The following CCDC80 variants were observed in gnomAD, a reference collection of about 807,000 sequenced individuals.
CCDC80 encodes coiled-coil domain-containing protein 80.
CCDC80 carries 49 observed loss-of-function variants against 78.7 expected under a neutral mutation model. The observed-to-expected ratio is 0.62, with a 90% CI of 0.50 to 0.79. CCDC80 has a LOEUF of 0.79. Among genes scored for constraint, CCDC80 ranks in the 30% least tolerant of loss-of-function variants. The probability of loss-of-function intolerance (pLI) is 0.00; values close to 1 mark genes in which losing one functional copy is unlikely to be tolerated. For missense variants in CCDC80, 1,205 were observed against 1,198.6 expected, an observed-to-expected ratio of 1.01 and a Z score of -0.08; for synonymous variants, 488 against 447.0, an observed-to-expected ratio of 1.09 and a Z score of -1.16.
chr3:112,614,012 G>A (rs893513451), intron 5 of CCDC80, among the ~76,000 whole-genome samples: 1 of 152,104 alleles, frequency 6.6e-6, no homozygotes, highest in Non-Finnish European at 1.5e-5. Context: ...CAGGTAAGTT[G>A]AAATCTTACA....
At chr3:112,630,312 A>C (rs1350657253) in intron 2 of CCDC80, 43 bp from the exon 3 acceptor site, 13 of 1,590,352 alleles carry the variant, frequency 8.2e-6, no homozygotes, top group Non-Finnish European at 1.1e-5. Context: ...TTATAGTGAT[A>C]GTTTCACACT....
In CCDC80 at chr3:112,639,300, C is replaced by G; in HGVS notation, c.606G>C (p.Arg202Ser). The change falls in exon 2 of 8, where the codon AGG (arginine) becomes AGC (serine). Residue 202 changes from arginine (R) to serine (S), a missense_variant. Physicochemically the swap from Arg to Ser is moderately radical, Grantham distance 110. Transcript: ENST00000206423. ...CCAGGATCTGGCCCTCGCTGGTGAT[C>G]CTTCTCACCTTGCCTCCTTCCTCAC... ...QAGEEGGKVR[R>S]ITSEGQILEQ... 1 of 1,614,180 alleles carries G rather than the reference C, an allele frequency of 6.2e-7. No individual in the cohort carries two copies. Among genetic ancestry groups the G allele is most frequent in the South Asian group, 1.1e-5 (1 of 91,080 alleles).
chr3:112,631,414 A>G (rs1377616425), intron 2 of CCDC80, among the ~76,000 whole-genome samples: 1 of 152,168 alleles, frequency 6.6e-6, no homozygotes, highest in Non-Finnish European at 1.5e-5. Flanking sequence ...TGATGTCTGC[A>G]ATGAACGCTG....
rs551316478 is a variant in CCDC80, at chr3:112,600,796, C to T, written c.*4621G>A. The T allele has an allele frequency of 2.6e-5, 4 of 152,244 alleles. No homozygotes were observed. In the South Asian group the frequency reaches 6.2e-4, roughly 24 times the overall value. 9.4% of individuals were successfully genotyped at this position (152,244 alleles called of 1,614,324 possible). On this transcript the variant is annotated 3_prime_UTR_variant, in exon 8 of 8. Coordinates refer to ENST00000206423, the MANE Select transcript of CCDC80 (RefSeq NM_199511.3). ...TGGGATTACAGGTGTGAGCCCCTCA[C>T]TGCTCCTGGCTCCCTCATTATTATA...
At position 112,635,210 on chromosome 3, in the gene CCDC80, A is replaced by G. The variant is rs528594268; in HGVS notation, c.1878+2818T>C. Among the ~76,000 whole-genome samples the G allele has an allele frequency of 2.0e-5, 3 of 152,384 alleles. No individual in the cohort carries two copies. The East Asian group carries it at 5.8e-4, about 29-fold the overall frequency. ...TCCACATCTAAAGAATGCTATAAAT[A>G]AAGACAAAGCACTAAGGGTTTACAA... On this transcript the variant is annotated intron_variant, in intron 2 of 7. Transcript: ENST00000206423.
intron 7 of CCDC80, among the ~76,000 whole-genome samples, chr3:112,606,589 C>T (rs775379769): frequency 2.7e-5 from 4 of 150,098 alleles, no homozygotes; most frequent in Non-Finnish European, 5.9e-5. Flanking sequence ...CCATGCCTGG[C>T]TAATTTTTGT....
intron 4 of CCDC80, 108 bp from the exon 5 acceptor site, chr3:112,616,966 A>G (rs1398212240): frequency 9.1e-7 from 1 of 1,100,174 alleles, no homozygotes; most frequent in African/African-American, 1.6e-5. Context: ...GAAATCTTTG[A>G]AATCAGAGCC....
At chr3:112,622,835 TTTTTTTTTTTTTG>T (rs1381156677) in intron 3 of CCDC80, among the ~76,000 whole-genome samples, 10 of 76,314 alleles carry the variant, frequency 1.3e-4, no homozygotes, top group Non-Finnish European at 2.2e-4. Flanking sequence ...TTTTTTTTTT[TTTTTTTTTTTTTG>T]TATTTTTAGT....
intron 6 of CCDC80, 94 bp from the exon 7 acceptor site, chr3:112,607,350 A>G: frequency 1.2e-6 from 1 of 866,300 alleles, no homozygotes; most frequent in Non-Finnish European, 1.8e-6. Context: ...AAAATCTCTT[A>G]AATTTAAAAA....
chr3:112,611,977 A>G (rs1935637633), intron 5 of CCDC80, among the ~76,000 whole-genome samples: 1 of 151,820 alleles, frequency 6.6e-6, no homozygotes, highest in Non-Finnish European at 1.5e-5. Context: ...CAACCTCTGA[A>G]TGGATGCCTG....
At chr3:112,623,677 A>G (rs1280631075) in intron 3 of CCDC80, among the ~76,000 whole-genome samples, 14 of 152,108 alleles carry the variant, frequency 9.2e-5, no homozygotes, top group Non-Finnish European at 2.1e-4. Flanking sequence ...CCCAGAGGAG[A>G]AAATCTAAAT....
Position 112,630,143 on chromosome 3 carries a change from T to C in CCDC80, c.2005A>G (p.Ser669Gly), listed in dbSNP as rs772792250. Residue 669 changes from serine (S) to glycine (G), a missense_variant, in exon 3 of 8, where the codon AGC becomes GGC. By Grantham distance (56) the Ser-to-Gly change is moderately conservative. Coordinates refer to ENST00000206423, the MANE Select transcript of CCDC80 (RefSeq NM_199511.3). ...VITIFGPVNN[S>G]TMKIDHFQLD... is the part of the protein sequence containing the mutation. ...TGAAAGTGGTCGATTTTCATGGTGC[T>C]GTTGTTGACAGGGCCGAAGATGGTG... 5 of 1,613,924 alleles carry C rather than the reference T, an allele frequency of 3.1e-6. No individual in the cohort carries two copies. The South Asian group carries it at 4.4e-5, about 14-fold the overall frequency.
In CCDC80 at chr3:112,639,110, T is replaced by G; in HGVS notation, c.796A>C (p.Ile266Leu). The G allele has an allele frequency of 6.2e-7, 1 of 1,614,134 alleles. No homozygotes were observed. The highest frequency in any genetic ancestry group is 8.5e-7 in the Non-Finnish European group (1 of 1,180,030). Residue 266 changes from isoleucine to leucine, a missense_variant, in exon 2 of 8, where the codon ATC (isoleucine) becomes CTC (leucine). Transcript: ENST00000206423. Reference sequence around the variant, plus strand: ...TGCCTGATCTTCTCGATCCTACGGATGGGGCCTTGGTCGATGACCTCGTAC... The same window carrying G: ...TGCCTGATCTTCTCGATCCTACGGAGGGGGCCTTGGTCGATGACCTCGTAC... ...AMYEVIDQGP[I>L]RRIEKIRQKG...
At position 112,619,068 on chromosome 3, in the gene CCDC80, T is replaced by C; in HGVS notation, c.2072A>G (p.Asp691Gly). The change falls in exon 4 of 8, where the codon GAC becomes GGC. Residue 691 changes from aspartate (D) to glycine (G), a missense_variant. Physicochemically the swap from Asp to Gly is moderately conservative, Grantham distance 94 (BLOSUM62 -1). Transcript: ENST00000206423. ...EKPMRVVDDE[D>G]LVDQRLISEL... ...GCTGATGAGACGCTGGTCTACCAAG[T>C]CTTCATCATCCACCACTCGCATGGG... 1.2e-6 allele frequency: 2 copies of C among 1,605,992 alleles called. No homozygotes were observed. Among genetic ancestry groups the C allele is most frequent in the Non-Finnish European group, 1.7e-6 (2 of 1,177,378 alleles).
rs1935307161 is a variant in CCDC80 at position 112,597,820 on chromosome 3, C to G, written c.*7597G>C. On this transcript the variant is annotated 3_prime_UTR_variant, in exon 8 of 8. Transcript: ENST00000206423. ...CTGGTCCCTTCCACCTGCCAAACCCCCATAAAAACCCATAATTGATGATAC... is the reference window on the plus strand; with the variant it reads ...CTGGTCCCTTCCACCTGCCAAACCCGCATAAAAACCCATAATTGATGATAC... The G allele has an allele frequency of 6.6e-6, 1 of 152,162 alleles. No homozygotes were observed. Among genetic ancestry groups the G allele is most frequent in the Non-Finnish European group, 1.5e-5 (1 of 68,062 alleles). 9.4% of individuals were successfully genotyped at this position (152,162 alleles called of 1,614,324 possible).
chr3:112,625,557 T>C (rs1935950500), intron 3 of CCDC80, among the ~76,000 whole-genome samples: 1 of 152,186 alleles, frequency 6.6e-6, no homozygotes, highest in Non-Finnish European at 1.5e-5. Context: ...AATCTCACAA[T>C]TTTTTGATAA....
chr3:112,639,993 T>C, intron 1 of CCDC80, 77 bp from the exon 2 acceptor site: 1 of 1,485,728 alleles, frequency 6.7e-7, no homozygotes, highest in South Asian at 1.4e-5. Flanking sequence ...GAAACAGAGC[T>C]GGTCATTTTC....
chr3:112,638,071 A>G lies in CCDC80; in HGVS notation c.1835T>C (p.Val612Ala), dbSNP rs755511582. ...KHFTQSPKKS[V>A]ADLLGSFEGK... is the part of the protein sequence containing the mutation. ...TTCAAAGGACCCCAGCAGGTCGGCCACTGACTTCTTGGGACTCTGCGTGAA... is the reference window on the plus strand; with the variant it reads ...TTCAAAGGACCCCAGCAGGTCGGCCGCTGACTTCTTGGGACTCTGCGTGAA... Residue 612 changes from valine to alanine, a missense_variant, in exon 2 of 8, where the codon GTG (valine) becomes GCG (alanine). Physicochemically the swap from Val to Ala is moderately conservative, Grantham distance 64. Transcript: ENST00000206423. 3.4e-5 allele frequency: 55 copies of G among 1,610,204 alleles called. No homozygotes were observed. The highest frequency in any genetic ancestry group is 4.5e-5 in the Non-Finnish European group (53 of 1,179,082).
chr3:112,613,282 G>A (rs1219825882), intron 5 of CCDC80, among the ~76,000 whole-genome samples: 1 of 152,026 alleles, frequency 6.6e-6, no homozygotes. Context: ...TTAGCAGAAT[G>A]ATTTTATGAG....
Sources: gnomAD v4.1 joint callset for allele counts (sites outside exome capture counted in the v4.1 genomes callset) on GRCh38, gnomAD v4.1.1 for gene constraint, MANE v1.5 for transcripts, NCBI Gene and HGNC (gene_info 2026-07-23, HGNC 2026-07-21) for gene names.